The following ASAP2 variants were observed in gnomAD, a reference collection of about 807,000 sequenced individuals.
The protein encoded by ASAP2 is ArfGAP with SH3 domain, ankyrin repeat and PH domain 2, also known as arf-GAP with SH3 domain, ANK repeat and PH domain-containing protein 2.
ASAP2 carries 45 observed loss-of-function variants against 131.4 expected under a neutral mutation model. That is an observed-to-expected ratio of 0.34 (90% CI 0.27 to 0.44). The LOEUF (loss-of-function observed/expected upper bound fraction) is 0.44, where lower values mean the gene tolerates loss of function less well. Among genes scored for constraint, ASAP2 ranks in the 20% least tolerant of loss-of-function variants. The pLI is 1.00. For synonymous variants in ASAP2, 510 were observed against 503.0 expected (o/e 1.01, Z -0.19); for missense variants, 1,011 against 1,297.0 (o/e 0.78, Z 3.39).
chr2:9,349,217 C>T (rs1031480896), intron 11 of ASAP2, among the ~76,000 whole-genome samples: 4 of 152,102 alleles, frequency 2.6e-5, no homozygotes, highest in African/African-American at 9.7e-5. Flanking sequence ...CATGAAGGTG[C>T]TTCTGTATTT....
intron 1 of ASAP2, among the ~76,000 whole-genome samples, chr2:9,229,095 G>A (rs916302429): frequency 1.4e-4 from 21 of 152,116 alleles, no homozygotes; most frequent in Non-Finnish European, 2.5e-4. Flanking sequence ...GACAGGACTC[G>A]GCAGAGAAGC....
chr2:9,270,388 CTTTGT>C (rs1558283395), intron 1 of ASAP2, among the ~76,000 whole-genome samples: 1 of 151,758 alleles, frequency 6.6e-6, no homozygotes, highest in Non-Finnish European at 1.5e-5. Context: ...GAGACTCAAG[CTTTGT>C]TATTTTTTGT....
chr2:9,285,019 C>T (rs1667377282), intron 2 of ASAP2, among the ~76,000 whole-genome samples: 1 of 152,154 alleles, frequency 6.6e-6, no homozygotes, highest in African/African-American at 2.4e-5. Flanking sequence ...TCAGTATTGC[C>T]TCAGCAACCC....
chr2:9,244,403 A>G (rs1181477397), intron 1 of ASAP2, among the ~76,000 whole-genome samples: 1 of 152,250 alleles, frequency 6.6e-6, no homozygotes, highest in Admixed American at 6.5e-5. Flanking sequence ...TGTCTTTGGA[A>G]GATTAAGTGG....
chr2:9,391,742 T>C (rs1443665977), intron 23 of ASAP2, among the ~76,000 whole-genome samples: 9 of 138,504 alleles, frequency 6.5e-5, no homozygotes, highest in Non-Finnish European at 9.2e-5. Flanking sequence ...GCTCAGCTAT[T>C]TTTTTTTTTT....
intron 1 of ASAP2, among the ~76,000 whole-genome samples, chr2:9,221,410 C>T (rs1662412331): frequency 6.6e-6 from 1 of 151,258 alleles, no homozygotes; most frequent in Admixed American, 6.6e-5. Context: ...CAACATTGGC[C>T]TCCCAAAGTG....
At chr2:9,372,255 G>A (rs1025423106) in intron 16 of ASAP2, among the ~76,000 whole-genome samples, 23 of 151,974 alleles carry the variant, frequency 1.5e-4, no homozygotes, top group Admixed American at 3.9e-4. Flanking sequence ...CATGACACTC[G>A]CCAGGCCAGG....
In ASAP2 at chr2:9,270,553, A is replaced by G. The variant is rs568311194; in HGVS notation, c.127-8764A>G. On this transcript the variant is annotated intron_variant, in intron 1 of 27. Coordinates refer to ENST00000281419, the MANE Select transcript of ASAP2 (RefSeq NM_003887.3). ...AATGGGGCTTCCATCACCTCAAAGCATTTAGCCTTCTTTTGTGTTACATCT... is the reference window on the plus strand; with the variant it reads ...AATGGGGCTTCCATCACCTCAAAGCGTTTAGCCTTCTTTTGTGTTACATCT... 2.0e-5 allele frequency among the ~76,000 whole-genome samples: 3 copies of G among 152,076 alleles called. No homozygotes were observed. In the East Asian group the frequency reaches 5.8e-4, roughly 29 times the overall value.
chr2:9,336,052 G>A (rs769398489), intron 9 of ASAP2: 3 of 152,128 alleles, frequency 2.0e-5, no homozygotes, highest in Non-Finnish European at 4.4e-5. Flanking sequence ...AGAGTAAGTA[G>A]TTCAGTATTT....
chr2:9,387,217 A>AAAAAAAAAAC (rs1553328995), intron 21 of ASAP2, among the ~76,000 whole-genome samples: 5 of 151,582 alleles, frequency 3.3e-5, no homozygotes, highest in African/African-American at 1.2e-4. Flanking sequence ...CTGTCTCAAA[A>AAAAAAAAAAC]AAAAAAAAAA....
intron 2 of ASAP2, 110 bp from the exon 3 acceptor site, chr2:9,297,190 A>T: frequency 2.9e-6 from 4 of 1,360,396 alleles, no homozygotes; most frequent in Non-Finnish European, 4.0e-6. Flanking sequence ...GACTTTTCTC[A>T]GATTTTTCTT....
chr2:9,266,824 CGCCTGATGCTGGGGAGAAAAGCCCGAG>C (rs1665978380), intron 1 of ASAP2, among the ~76,000 whole-genome samples: 1 of 152,184 alleles, frequency 6.6e-6, no homozygotes, highest in African/African-American at 2.4e-5. Flanking sequence ...TAGTGGGAAG[CGCCTGATGCTGGGGAGAAAAGCCCGAG>C]GCCTGAGCTG....
chr2:9,260,044 C>CCA (rs34822448), intron 1 of ASAP2, among the ~76,000 whole-genome samples: 85,034 of 151,828 alleles, frequency 0.56, 25,402 homozygotes, highest in African/African-American at 0.78. Flanking sequence ...GGCCTCTCCC[C>CCA]GAGTCAGGCA....
At chr2:9,239,007 T>G (rs967577488) in intron 1 of ASAP2, among the ~76,000 whole-genome samples, 1 of 152,176 alleles carries the variant, frequency 6.6e-6, no homozygotes, top group Non-Finnish European at 1.5e-5. Context: ...AAGAGTGGCC[T>G]CCTGCCCATC....
chr2:9,369,208 A>G (rs914434548), intron 16 of ASAP2, among the ~76,000 whole-genome samples: 14 of 150,168 alleles, frequency 9.3e-5, no homozygotes, highest in South Asian at 2.1e-4. Context: ...TAGTAGAGAC[A>G]GAGTTTCACC....
chr2:9,319,426 C>A (rs1323080043), intron 4 of ASAP2, among the ~76,000 whole-genome samples: 1 of 152,220 alleles, frequency 6.6e-6, no homozygotes, highest in Non-Finnish European at 1.5e-5. Context: ...TGTTCAGACA[C>A]ATTCCCCATC....
At chr2:9,331,107 C>G (rs1368765034) in intron 7 of ASAP2, among the ~76,000 whole-genome samples, 1 of 152,238 alleles carries the variant, frequency 6.6e-6, no homozygotes, top group Non-Finnish European at 1.5e-5. Context: ...CTTCTCGCCC[C>G]CAAGGGCACA....
chr2:9,227,532 G>A lies in ASAP2; in HGVS notation c.126+20302G>A, dbSNP rs140714839. ...TTGGCTATTTTCAAACGCTATTCGG[G>A]TGGGACAGGGCTCATGCACATTTTA... On this transcript the variant is annotated intron_variant, in intron 1 of 27. Coordinates refer to ENST00000281419, the MANE Select transcript of ASAP2 (RefSeq NM_003887.3). Among the ~76,000 whole-genome samples, 1,256 of 152,238 alleles carry A rather than the reference G, an allele frequency of 8.3e-3. 10 individuals carry two copies. The highest frequency in any genetic ancestry group is 0.027 in the Middle Eastern group (8 of 294).
At chr2:9,277,947 A>G (rs1410130121) in intron 1 of ASAP2, among the ~76,000 whole-genome samples, 1 of 152,230 alleles carries the variant, frequency 6.6e-6, no homozygotes, top group East Asian at 1.9e-4. Context: ...CGATTCTGCT[A>G]TTGAAAACTG....
Sources: allele counts gnomAD v4.1 joint callset (sites outside exome capture counted in the v4.1 genomes callset), GRCh38; gene constraint gnomAD v4.1.1; transcripts MANE v1.5; gene names NCBI Gene and HGNC (gene_info 2026-07-23, HGNC 2026-07-21).